Variants in SUSD5 observed in about 807,000 individuals in gnomAD.
The protein encoded by SUSD5 is sushi domain-containing protein 5.
In SUSD5, 33 loss-of-function variants were observed where a neutral mutation model predicts 29.5. That is an observed-to-expected ratio of 1.12 (90% confidence interval 0.85 to 1.49). SUSD5 has a LOEUF of 1.49. Ranked by LOEUF, SUSD5 falls within the 40% of genes most tolerant of loss-of-function variation. SUSD5 has a pLI of 0.00. For synonymous variants in SUSD5, 308 were observed against 325.3 expected (o/e 0.95, Z 0.57); for missense variants, 776 against 800.6 (o/e 0.97, Z 0.37).
intron 3 of SUSD5, among the ~76,000 whole-genome samples, chr3:33,185,787 G>A (rs777474392): frequency 2.6e-5 from 4 of 152,086 alleles, no homozygotes; most frequent in Non-Finnish European, 5.9e-5. Flanking sequence ...TTTGGTAGCA[G>A]ACATTATTTA....
intron 3 of SUSD5, among the ~76,000 whole-genome samples, chr3:33,180,681 CA>C (rs200309532): frequency 2.0e-5 from 3 of 150,310 alleles, no homozygotes; most frequent in East Asian, 1.9e-4. Context: ...ACTAAAAATA[CA>C]AAAAAAAATT....
intron 3 of SUSD5, among the ~76,000 whole-genome samples, chr3:33,180,233 C>A (rs1472557653): frequency 1.3e-5 from 2 of 152,108 alleles, no homozygotes; most frequent in Non-Finnish European, 2.9e-5. Context: ...GTCTTACTGC[C>A]CCTGAAGACT....
At chr3:33,171,685 C>T (rs1324763192) in intron 4 of SUSD5, among the ~76,000 whole-genome samples, 1 of 152,148 alleles carries the variant, frequency 6.6e-6, no homozygotes, top group African/African-American at 2.4e-5. Context: ...TGCACTGCAG[C>T]GTGGCTATGG....
At chr3:33,183,045 T>C (rs2031705519) in intron 3 of SUSD5, among the ~76,000 whole-genome samples, 1 of 152,206 alleles carries the variant, frequency 6.6e-6, no homozygotes, top group Non-Finnish European at 1.5e-5. Context: ...TCCACCCGCC[T>C]TGGCCTCCCA....
chr3:33,162,917 C>A (rs200607302), intron 4 of SUSD5, among the ~76,000 whole-genome samples: 410 of 133,248 alleles, frequency 3.1e-3, no homozygotes, highest in South Asian at 5.4e-3. Flanking sequence ...AACTCCATCT[C>A]AAAAAAAAAA....
At chr3:33,179,990 C>T (rs902321341) in intron 3 of SUSD5, among the ~76,000 whole-genome samples, 1 of 152,174 alleles carries the variant, frequency 6.6e-6, no homozygotes, top group African/African-American at 2.4e-5. Flanking sequence ...ACCTGTTGCA[C>T]TGCCAACTGT....
intron 4 of SUSD5, among the ~76,000 whole-genome samples, chr3:33,169,886 C>T (rs1048294577): frequency 2.6e-5 from 4 of 151,904 alleles, no homozygotes; most frequent in East Asian, 1.9e-4. Context: ...TCACACTTGG[C>T]GGCAGATAGC....
At chr3:33,199,435 G>A (rs777877400) in intron 3 of SUSD5, among the ~76,000 whole-genome samples, 9 of 152,132 alleles carry the variant, frequency 5.9e-5, no homozygotes, top group African/African-American at 1.2e-4. Flanking sequence ...CACCACGCCC[G>A]GCTAACTTTT....
intron 3 of SUSD5, among the ~76,000 whole-genome samples, chr3:33,202,312 A>C (rs1422646084): frequency 6.6e-6 from 1 of 152,164 alleles, no homozygotes; most frequent in Non-Finnish European, 1.5e-5. Flanking sequence ...CCCCAAAGTT[A>C]TTCCTGAGAC....
At chr3:33,199,892 T>C (rs2032076819) in intron 3 of SUSD5, among the ~76,000 whole-genome samples, 1 of 152,348 alleles carries the variant, frequency 6.6e-6, no homozygotes, top group Non-Finnish European at 1.5e-5. Context: ...TCCACTTTCA[T>C]AGGTGGAACT....
At chr3:33,215,598 G>T (rs1246335118) in intron 1 of SUSD5, among the ~76,000 whole-genome samples, 1 of 151,604 alleles carries the variant, frequency 6.6e-6, no homozygotes, top group Non-Finnish European at 1.5e-5. Flanking sequence ...TATAGTTAAG[G>T]TTTAGTATTA....
At chr3:33,180,973 G>A (rs1443464851) in intron 3 of SUSD5, among the ~76,000 whole-genome samples, 2 of 149,772 alleles carry the variant, frequency 1.3e-5, no homozygotes, top group African/African-American at 2.5e-5. Flanking sequence ...GCATGAGCCA[G>A]CACACCCAGC....
chr3:33,189,127 A>C (rs1337206733), intron 3 of SUSD5, among the ~76,000 whole-genome samples: 1 of 152,208 alleles, frequency 6.6e-6, no homozygotes, highest in Non-Finnish European at 1.5e-5. Context: ...AATTACTAAT[A>C]CATGGAAATC....
rs2031357087 is a variant in SUSD5 at position 33,168,637 on chromosome 3, G to A, written c.598+6249C>T. On this transcript the variant is annotated intron_variant, in intron 4 of 4. Coordinates refer to ENST00000309558, the MANE Select transcript of SUSD5 (RefSeq NM_015551.2). Reference sequence around the variant, plus strand: ...TGATGCAGATATCAGGACAGGATATGCCTGGTTTTATTTTTTATTTTTATT... The same window carrying A: ...TGATGCAGATATCAGGACAGGATATACCTGGTTTTATTTTTTATTTTTATT... 5.3e-6 allele frequency: 5 copies of A among 948,884 alleles called. No homozygotes were observed. The South Asian group carries it at 1.5e-4, about 28-fold the overall frequency. The allele number at this position is 948,884 out of a possible 1,614,324, so 58.8% of individuals were successfully genotyped here.
chr3:33,154,647 A>C (rs2031009321), intron 4 of SUSD5, among the ~76,000 whole-genome samples: 1 of 152,232 alleles, frequency 6.6e-6, no homozygotes, highest in Non-Finnish European at 1.5e-5. Context: ...ATAAACAGAA[A>C]ATTAAAATTT....
chr3:33,163,907 G>A (rs1197764099), intron 4 of SUSD5, among the ~76,000 whole-genome samples: 2 of 152,222 alleles, frequency 1.3e-5, no homozygotes, highest in African/African-American at 4.8e-5. Context: ...GGCTGAGGCA[G>A]GAGAATGGTG....
At chr3:33,198,089 T>C (rs2032030404) in intron 3 of SUSD5, among the ~76,000 whole-genome samples, 1 of 152,230 alleles carries the variant, frequency 6.6e-6, no homozygotes, top group African/African-American at 2.4e-5. Flanking sequence ...CGTTGATTTA[T>C]TGAAAACAGT....
chr3:33,205,872 T>C (rs1293354237), intron 3 of SUSD5, among the ~76,000 whole-genome samples: 1 of 152,234 alleles, frequency 6.6e-6, no homozygotes, highest in African/African-American at 2.4e-5. Flanking sequence ...AAATAAACAG[T>C]TGCTGTTTTA....
intron 3 of SUSD5, among the ~76,000 whole-genome samples, chr3:33,187,844 C>A (rs1171553273): frequency 1.4e-5 from 2 of 146,190 alleles, no homozygotes; most frequent in East Asian, 4.0e-4. Flanking sequence ...TGATGTTCCC[C>A]TTCCTGTGTC....
Sources: allele counts gnomAD v4.1 joint callset (sites outside exome capture counted in the v4.1 genomes callset), GRCh38; gene constraint gnomAD v4.1.1; transcripts MANE v1.5; gene names NCBI Gene and HGNC (gene_info 2026-07-23, HGNC 2026-07-21).